The following EDIL3 variants were observed in gnomAD, a reference collection of about 807,000 sequenced individuals.
EDIL3 encodes the protein EGF like and discoidin domains 3, also known as EGF-like repeat and discoidin I-like domain-containing protein 3.
In EDIL3, 37 loss-of-function variants were observed where a neutral mutation model predicts 67.4. That is an observed-to-expected ratio of 0.55 (90% CI 0.42 to 0.72). EDIL3 has a LOEUF of 0.72. Ranked by LOEUF, EDIL3 falls within the 30% of genes least tolerant of loss-of-function variation. The pLI, the probability that EDIL3 is intolerant of heterozygous loss-of-function variation, is 0.00. For missense variants in EDIL3, 527 were observed against 586.3 expected (o/e 0.90, Z 1.04); for synonymous variants, 195 against 196.3 (o/e 0.99, Z 0.05).
At chr5:84,180,649 G>T in intron 3 of EDIL3, 128 bp from the exon 4 acceptor site, 1 of 1,058,536 alleles carries the variant, frequency 9.4e-7, no homozygotes, top group Non-Finnish European at 1.3e-6. Flanking sequence ...TAAATGTACT[G>T]GTTGTATGAG....
At chr5:84,184,914 C>T (rs1050984318) in intron 3 of EDIL3, among the ~76,000 whole-genome samples, 36 of 152,254 alleles carry the variant, frequency 2.4e-4, no homozygotes, top group Non-Finnish European at 4.3e-4. Context: ...GTTATGGCTG[C>T]TGTTATTTTT....
intron 2 of EDIL3, among the ~76,000 whole-genome samples, chr5:84,243,325 T>A (rs1338892814): frequency 1.3e-5 from 2 of 152,166 alleles, no homozygotes; most frequent in Admixed American, 1.3e-4. Context: ...CAGCTGGACC[T>A]CCATATTTAA....
intron 1 of EDIL3, among the ~76,000 whole-genome samples, chr5:84,300,324 A>C (rs1746132565): frequency 6.6e-6 from 1 of 152,158 alleles, no homozygotes; most frequent in Admixed American, 6.5e-5. Flanking sequence ...TTAAATACCC[A>C]GGTGCTTAGG....
At position 84,312,392 on chromosome 5, in the gene EDIL3, C is replaced by T. The variant is rs1280191149; in HGVS notation, c.68-58180G>A. On this transcript the variant is annotated intron_variant, in intron 1 of 10. Transcript: ENST00000296591. ...CTGGCCGGGCGGGGGGCTGACTCCC[C>T]CACCACCCTCCCGGACGGGGCGGCT... Among the ~76,000 whole-genome samples the T allele has an allele frequency of 4.2e-5, 6 of 142,306 alleles. No individual in the cohort carries two copies. The East Asian group carries it at 1.4e-3, about 32-fold the overall frequency. 93.4% of individuals were successfully genotyped at this position (142,306 alleles called of 152,430 possible). A position where few individuals can be genotyped will look rare whatever the true frequency, so the allele number is the denominator to read the frequency against.
chr5:84,382,884 G>C (rs1255796778), intron 1 of EDIL3, among the ~76,000 whole-genome samples: 2 of 152,000 alleles, frequency 1.3e-5, no homozygotes, highest in East Asian at 3.9e-4. Flanking sequence ...TCTGGGGGAC[G>C]GAGGGAGGCC....
At chr5:84,231,603 G>A (rs1026781549) in intron 2 of EDIL3, among the ~76,000 whole-genome samples, 1 of 152,202 alleles carries the variant, frequency 6.6e-6, no homozygotes, top group African/African-American at 2.4e-5. Context: ...TAGACAAGCT[G>A]ACTTTGTGTC....
intron 1 of EDIL3, among the ~76,000 whole-genome samples, chr5:84,286,142 C>T (rs943448380): frequency 6.6e-6 from 1 of 152,126 alleles, no homozygotes; most frequent in Non-Finnish European, 1.5e-5. Context: ...CTTTGGCTTT[C>T]TGCACCAAAC....
chr5:84,050,052 G>A (rs1167571643), intron 9 of EDIL3, among the ~76,000 whole-genome samples: 2 of 151,938 alleles, frequency 1.3e-5, no homozygotes, highest in Non-Finnish European at 2.9e-5. Context: ...ACAAAAATTA[G>A]CCGGGCATGG....
intron 5 of EDIL3, among the ~76,000 whole-genome samples, chr5:84,113,695 T>G (rs990781384): frequency 8.5e-5 from 13 of 152,210 alleles, no homozygotes; most frequent in African/African-American, 2.7e-4. Flanking sequence ...GTGTGCTGAT[T>G]AAGCCTTTCA....
intron 6 of EDIL3, among the ~76,000 whole-genome samples, chr5:84,079,547 A>ATT (rs113748658): frequency 2.0e-5 from 3 of 149,378 alleles, no homozygotes; most frequent in Admixed American, 6.7e-5. Flanking sequence ...AGAGTAGGAA[A>ATT]TTTTTTTTTT....
rs376081879 is a variant in EDIL3, at chr5:84,064,026, A to G, written c.952+674T>C. Among the ~76,000 whole-genome samples the G allele has an allele frequency of 4.3e-4, 65 of 152,246 alleles. No homozygotes were observed. The South Asian group carries it at 0.013, about 31-fold the overall frequency. ...TGTAAGATTCACACATTAAGTCCTC[A>G]TCTTTATAGCTAATATTGATGTTCC... On this transcript the variant is annotated intron_variant, in intron 8 of 10. Transcript: ENST00000296591.
chr5:83,966,861 A>G (rs948360907), intron 9 of EDIL3, among the ~76,000 whole-genome samples: 2 of 152,120 alleles, frequency 1.3e-5, no homozygotes, highest in Non-Finnish European at 1.5e-5. Context: ...AAGGAAATGG[A>G]TACAGAGAAA....
rs140488006 is a variant in EDIL3 at position 83,974,169 on chromosome 5, G to C, written c.1138-10809C>G. On this transcript the variant is annotated intron_variant, in intron 9 of 10. Coordinates refer to ENST00000296591, the MANE Select transcript of EDIL3 (RefSeq NM_005711.5). The stretch of plus-strand genomic sequence containing the variant: ...GGTATGTGCATGTTTTATGGTGATT[G>C]CTTTTTAGGCTAAAACAAAAACAAC... Among the ~76,000 whole-genome samples the C allele has an allele frequency of 1.5e-3, 232 of 151,700 alleles. 2 individuals are homozygous for C. Among genetic ancestry groups the C allele is most frequent in the African/African-American group, 5.3e-3 (220 of 41,360 alleles).
intron 9 of EDIL3, among the ~76,000 whole-genome samples, chr5:83,992,291 T>C (rs1745164153): frequency 6.6e-6 from 1 of 152,178 alleles, no homozygotes; most frequent in African/African-American, 2.4e-5. Flanking sequence ...TTTCATGAAC[T>C]CTTTAGATTA....
At chr5:84,334,228 A>AT (rs1425380116) in intron 1 of EDIL3, among the ~76,000 whole-genome samples, 3 of 151,664 alleles carry the variant, frequency 2.0e-5, no homozygotes, top group African/African-American at 4.8e-5. Flanking sequence ...CACGCGCCTA[A>AT]TTTTTTTGTA....
chr5:84,312,951 A>G (rs1746437038), intron 1 of EDIL3, among the ~76,000 whole-genome samples: 1 of 152,240 alleles, frequency 6.6e-6, no homozygotes, highest in South Asian at 2.1e-4. Flanking sequence ...AATATATTGA[A>G]TAAATATATT....
At chr5:84,065,932 G>A (rs1475330397) in intron 7 of EDIL3, among the ~76,000 whole-genome samples, 3 of 151,872 alleles carry the variant, frequency 2.0e-5, no homozygotes, top group South Asian at 2.1e-4. Flanking sequence ...TGGCTAACAC[G>A]GTGAAACCCC....
intron 3 of EDIL3, among the ~76,000 whole-genome samples, chr5:84,208,974 G>A (rs537512415): frequency 2.0e-5 from 3 of 152,030 alleles, no homozygotes; most frequent in African/African-American, 4.8e-5. Flanking sequence ...TGGAACCAAC[G>A]CAAATATCCA....
At chr5:84,018,836 C>A (rs907245790) in intron 9 of EDIL3, among the ~76,000 whole-genome samples, 1 of 152,034 alleles carries the variant, frequency 6.6e-6, no homozygotes. Flanking sequence ...AAATCAAAAC[C>A]ACAATAAGAT....
Sources: allele counts gnomAD v4.1 joint callset (sites outside exome capture counted in the v4.1 genomes callset), GRCh38; gene constraint gnomAD v4.1.1; transcripts MANE v1.5; gene names NCBI Gene and HGNC (gene_info 2026-07-23, HGNC 2026-07-21).